TMTC2: variants seen among roughly 807,000 people sequenced by gnomAD.
TMTC2 encodes the protein transmembrane O-mannosyltransferase targeting cadherins 2.
A neutral mutation model predicts 82.4 loss-of-function variants in TMTC2; 43 were observed. That is an observed-to-expected ratio of 0.52 (90% CI 0.41 to 0.67). TMTC2 has a LOEUF of 0.67. TMTC2 is among the 30% of genes least tolerant of loss of function. TMTC2 has a pLI of 0.00. For missense variants in TMTC2, 919 were observed against 1,012.4 expected, an observed-to-expected ratio of 0.91 and a Z score of 1.25; for synonymous variants, 408 against 381.9, an observed-to-expected ratio of 1.07 and a Z score of -0.80.
At chr12:82,793,600 G>A (rs2137025817) in intron 1 of TMTC2, among the ~76,000 whole-genome samples, 1 of 152,132 alleles carries the variant, frequency 6.6e-6, no homozygotes, top group African/African-American at 2.4e-5. Flanking sequence ...AATTTTAAAA[G>A]TATTAGCTGT....
chr12:82,824,957 C>T (rs1381850948), intron 1 of TMTC2, among the ~76,000 whole-genome samples: 1 of 152,008 alleles, frequency 6.6e-6, no homozygotes, highest in Non-Finnish European at 1.5e-5. Flanking sequence ...GGCGTGGTGG[C>T]GCGTGCCTGT....
At chr12:83,059,193 A>G (rs1206932626) in intron 10 of TMTC2, among the ~76,000 whole-genome samples, 11 of 151,844 alleles carry the variant, frequency 7.2e-5, no homozygotes, top group Non-Finnish European at 1.3e-4. Context: ...ATCTCTAAGC[A>G]ACTGGCAGAA....
chr12:82,930,341 T>C (rs1875960352), intron 3 of TMTC2, 90 bp from the exon 4 acceptor site: 1 of 636,558 alleles, frequency 1.6e-6, no homozygotes, highest in Non-Finnish European at 2.7e-6. Flanking sequence ...GATGGTTTTC[T>C]CTCCCTGTGG....
At chr12:83,087,939 C>G (rs1297761005) in intron 11 of TMTC2, among the ~76,000 whole-genome samples, 1 of 152,214 alleles carries the variant, frequency 6.6e-6, no homozygotes, top group Admixed American at 6.5e-5. Context: ...AGCTTTGAAG[C>G]CAGGCAGTGA....
intron 11 of TMTC2, among the ~76,000 whole-genome samples, chr12:83,083,289 A>G (rs1036029461): frequency 1.3e-5 from 2 of 152,160 alleles, no homozygotes; most frequent in African/African-American, 2.4e-5. Context: ...GTTCAAACAT[A>G]CTTCTTCCTT....
intron 1 of TMTC2, among the ~76,000 whole-genome samples, chr12:82,837,453 C>CA (rs1045179082): frequency 6.6e-6 from 1 of 151,348 alleles, no homozygotes; most frequent in African/African-American, 2.4e-5. Context: ...AAAAACAAAA[C>CA]AAAAAAAAGG....
chr12:83,068,234 T>G (rs1031913381), intron 11 of TMTC2, among the ~76,000 whole-genome samples: 2 of 152,090 alleles, frequency 1.3e-5, no homozygotes, highest in Admixed American at 1.3e-4. Context: ...CCACTAAGAC[T>G]GAGCTCTGGG....
rs75696489 is a variant in TMTC2 at position 82,829,466 on chromosome 12, A to G, written c.84-27544A>G. ...TTAGAGTGGCTTTTCGTTTTCATTT[A>G]AAAGAGAATTTACACCATCCAAATT... On this transcript the variant is annotated intron_variant, in intron 1 of 11. Transcript: ENST00000321196. 4.9e-3 allele frequency among the ~76,000 whole-genome samples: 746 copies of G among 152,278 alleles called. 7 individuals carry two copies. Among genetic ancestry groups the G allele is most frequent in the African/African-American group, 0.017 (707 of 41,564 alleles).
Position 82,937,701 on chromosome 12 carries a change from G to GGTGTGTGTGT in TMTC2, c.1598+7174_1598+7183dup, listed in dbSNP as rs146657948. 3.7e-3 allele frequency among the ~76,000 whole-genome samples: 268 copies of GGTGTGTGTGT among 73,208 alleles called. 3 individuals carry two copies. Among genetic ancestry groups the GGTGTGTGTGT allele is most frequent in the East Asian group, 0.012 (32 of 2,608 alleles). 48.0% of individuals were successfully genotyped at this position (73,208 alleles called of 152,430 possible). On this transcript the variant is annotated intron_variant, in intron 4 of 11. Coordinates refer to ENST00000321196, the MANE Select transcript of TMTC2 (RefSeq NM_152588.3). ...GCTAACATTTTGAACAAATGTCAAT[G>GGTGTGTGTGT]GTGTGTGTGTGTGTGTGTGTGTGTG...
At chr12:83,023,670 C>T (rs1881035450) in intron 8 of TMTC2, among the ~76,000 whole-genome samples, 1 of 152,184 alleles carries the variant, frequency 6.6e-6, no homozygotes, top group African/African-American at 2.4e-5. Context: ...GGAGTCCAGC[C>T]TTGTCCTGGG....
At chr12:83,023,806 C>G (rs934995391) in intron 8 of TMTC2, among the ~76,000 whole-genome samples, 2 of 152,218 alleles carry the variant, frequency 1.3e-5, no homozygotes, top group African/African-American at 4.8e-5. Flanking sequence ...TACAATTTTT[C>G]AATGAGCTTA....
intron 2 of TMTC2, among the ~76,000 whole-genome samples, chr12:82,876,672 A>G (rs1872598930): frequency 6.6e-6 from 1 of 152,218 alleles, no homozygotes; most frequent in Admixed American, 6.5e-5. Context: ...TTTTAAGTAT[A>G]ACTTTATAAT....
intron 1 of TMTC2, among the ~76,000 whole-genome samples, chr12:82,744,790 G>T (rs1005272095): frequency 1.3e-5 from 2 of 152,142 alleles, no homozygotes; most frequent in African/African-American, 4.8e-5. Context: ...GAAGGTTGCT[G>T]CAGACAACCA....
At chr12:83,071,436 C>T (rs768030895) in intron 11 of TMTC2, among the ~76,000 whole-genome samples, 30 of 152,108 alleles carry the variant, frequency 2.0e-4, no homozygotes, top group Non-Finnish European at 4.1e-4. Context: ...GGATTACAGG[C>T]GTGAGCCACT....
chr12:82,816,307 C>G (rs1056206894), intron 1 of TMTC2, among the ~76,000 whole-genome samples: 7 of 151,880 alleles, frequency 4.6e-5, no homozygotes, highest in African/African-American at 1.7e-4. Context: ...ATTCATTCAG[C>G]AAAATTAAGC....
chr12:83,038,828 G>A (rs891543367), intron 9 of TMTC2, among the ~76,000 whole-genome samples: 2 of 151,780 alleles, frequency 1.3e-5, no homozygotes, highest in East Asian at 1.9e-4. Flanking sequence ...TCCTTTGTTC[G>A]GAAGGCTTAA....
intron 4 of TMTC2, among the ~76,000 whole-genome samples, chr12:82,960,945 C>G (rs896031142): frequency 2.6e-5 from 4 of 151,696 alleles, no homozygotes; most frequent in Non-Finnish European, 5.9e-5. Context: ...CATAAAAAGC[C>G]TTTAGTATGA....
intron 3 of TMTC2, among the ~76,000 whole-genome samples, chr12:82,899,826 A>G (rs190319100): frequency 1.4e-3 from 211 of 145,608 alleles, no homozygotes; most frequent in Non-Finnish European, 2.7e-3. Context: ...ATATAGATAT[A>G]GGAATATATA....
intron 2 of TMTC2, among the ~76,000 whole-genome samples, chr12:82,876,174 G>GGTGGTGATTAGTATTCATA (rs1872565978): frequency 1.4e-5 from 2 of 144,552 alleles, no homozygotes; most frequent in African/African-American, 5.6e-5. Flanking sequence ...TAGTGTTGTT[G>GGTGGTGATTAGTATTCATA]ATCGGGTGGT....
Sources: allele counts gnomAD v4.1 joint callset (sites outside exome capture counted in the v4.1 genomes callset), GRCh38; gene constraint gnomAD v4.1.1; transcripts MANE v1.5; gene names NCBI Gene and HGNC (gene_info 2026-07-23, HGNC 2026-07-21).